The following ARHGAP42 variants were observed in gnomAD, a reference collection of about 807,000 sequenced individuals.
ARHGAP42 encodes the protein rho GTPase-activating protein 42.
A neutral mutation model predicts 125.0 loss-of-function variants in ARHGAP42; 63 were observed. That is an observed-to-expected ratio of 0.50 (90% CI 0.41 to 0.62). The LOEUF (loss-of-function observed/expected upper bound fraction) is 0.62. Ranked by LOEUF, ARHGAP42 falls within the 20% of genes least tolerant of loss-of-function variation. The pLI is 0.00. For synonymous variants in ARHGAP42, 339 were observed against 351.0 expected (o/e 0.97, Z 0.38); for missense variants, 766 against 1,024.2 (o/e 0.75, Z 3.44).
intron 1 of ARHGAP42, among the ~76,000 whole-genome samples, chr11:100,725,460 C>T (rs1861838312): frequency 6.6e-6 from 1 of 151,610 alleles, no homozygotes; most frequent in South Asian, 2.1e-4. Flanking sequence ...TGAGCCACCG[C>T]GCCCAGCCGT....
intron 16 of ARHGAP42, among the ~76,000 whole-genome samples, chr11:100,963,733 A>G (rs188844202): frequency 1.8e-4 from 28 of 152,336 alleles, no homozygotes; most frequent in Admixed American, 1.2e-3. Context: ...CTGACCTCTC[A>G]TTCTATGAAC....
chr11:100,861,190 GA>G (rs1263660655), intron 4 of ARHGAP42, among the ~76,000 whole-genome samples: 8 of 152,084 alleles, frequency 5.3e-5, no homozygotes, highest in Non-Finnish European at 1.0e-4. Flanking sequence ...GGTGGGAAGG[GA>G]AAAAAACTTA....
chr11:100,939,254 C>T (rs679947), intron 8 of ARHGAP42, among the ~76,000 whole-genome samples: 132,679 of 151,716 alleles, frequency 0.87, 58,107 homozygotes, highest in East Asian at 1. Context: ...TCAGTCTTGC[C>T]TTATTTATAA....
At chr11:100,868,804 C>A (rs1242282450) in intron 4 of ARHGAP42, among the ~76,000 whole-genome samples, 1 of 152,058 alleles carries the variant, frequency 6.6e-6, no homozygotes, top group Non-Finnish European at 1.5e-5. Context: ...GCTTTAATTT[C>A]CCCATATGAA....
chr11:100,806,032 T>C (rs766833415), intron 3 of ARHGAP42, among the ~76,000 whole-genome samples: 1 of 152,158 alleles, frequency 6.6e-6, no homozygotes, highest in African/African-American at 2.4e-5. Flanking sequence ...TCAGCCTTAT[T>C]TTACTCCACC....
intron 1 of ARHGAP42, among the ~76,000 whole-genome samples, chr11:100,688,365 G>T (rs985812187): frequency 2.0e-5 from 3 of 152,174 alleles, no homozygotes; most frequent in Admixed American, 2.0e-4. Flanking sequence ...AGACAGCAAG[G>T]CACCAGTGCA....
At chr11:100,767,054 A>T (rs1357777077) in intron 1 of ARHGAP42, among the ~76,000 whole-genome samples, 1 of 152,212 alleles carries the variant, frequency 6.6e-6, no homozygotes, top group African/African-American at 2.4e-5. Context: ...GTAGCAAGAA[A>T]AGTTGAAACT....
intron 1 of ARHGAP42, among the ~76,000 whole-genome samples, chr11:100,706,713 CCTT>C (rs1412408294): frequency 6.6e-6 from 1 of 152,144 alleles, no homozygotes; most frequent in Non-Finnish European, 1.5e-5. Flanking sequence ...TATGGGAATG[CCTT>C]CTTTAAAGAT....
intron 6 of ARHGAP42, among the ~76,000 whole-genome samples, chr11:100,930,871 C>G (rs1020615674): frequency 6.6e-6 from 1 of 152,134 alleles, no homozygotes; most frequent in African/African-American, 2.4e-5. Context: ...ATGAAGCGCA[C>G]CCAGCATCTT....
At chr11:100,704,709 A>G (rs954724123) in intron 1 of ARHGAP42, among the ~76,000 whole-genome samples, 1 of 152,002 alleles carries the variant, frequency 6.6e-6, no homozygotes, top group Non-Finnish European at 1.5e-5. Flanking sequence ...CTGTAATCCC[A>G]GCACTTTGGG....
At chr11:100,743,753 G>C (rs888021326) in intron 1 of ARHGAP42, among the ~76,000 whole-genome samples, 1 of 151,996 alleles carries the variant, frequency 6.6e-6, no homozygotes, top group African/African-American at 2.4e-5. Context: ...TGAATGCTTT[G>C]TTCATTTCTT....
intron 1 of ARHGAP42, among the ~76,000 whole-genome samples, chr11:100,764,501 A>G (rs1433961696): frequency 6.6e-6 from 1 of 152,234 alleles, no homozygotes. Context: ...AGATTTAAGT[A>G]TGTAAGAACT....
intron 2 of ARHGAP42, among the ~76,000 whole-genome samples, chr11:100,783,933 G>A (rs1863372909): frequency 6.6e-6 from 1 of 152,070 alleles, no homozygotes; most frequent in Non-Finnish European, 1.5e-5. Flanking sequence ...CAAAATAGAA[G>A]GGGGGTCAAA....
intron 22 of ARHGAP42, among the ~76,000 whole-genome samples, chr11:100,982,370 C>T (rs1349025235): frequency 1.3e-5 from 2 of 152,128 alleles, no homozygotes; most frequent in Non-Finnish European, 2.9e-5. Context: ...ACCACAATGT[C>T]CAAGACTGAG....
At chr11:100,970,187 C>T (rs1858202057) in intron 17 of ARHGAP42, among the ~76,000 whole-genome samples, 1 of 152,096 alleles carries the variant, frequency 6.6e-6, no homozygotes. Flanking sequence ...GAAGTTTCAC[C>T]ATGTTGGTTG....
Position 100,715,283 on chromosome 11 carries a change from G to C in ARHGAP42, c.154+27451G>C, listed in dbSNP as rs550514184. ...ATTTCCTGTTCTAGTTAACTTCTTA[G>C]GAACTATCCAGAACAGCCCAGACTT... On this transcript the variant is annotated intron_variant, in intron 1 of 23. Coordinates refer to ENST00000298815, the MANE Select transcript of ARHGAP42 (RefSeq NM_152432.4). 3.3e-5 allele frequency among the ~76,000 whole-genome samples: 5 copies of C among 152,034 alleles called. No homozygotes were observed. In the East Asian group the frequency reaches 9.7e-4, roughly 29 times the overall value.
In ARHGAP42 at chr11:100,882,135, A is replaced by G. The variant is rs192527198; in HGVS notation, c.384+22510A>G. 4.2e-4 allele frequency among the ~76,000 whole-genome samples: 64 copies of G among 152,300 alleles called. 1 individual carries two copies. The highest frequency in any genetic ancestry group is 7.8e-4 in the Non-Finnish European group (53 of 68,024). Reference sequence around the variant, plus strand: ...TAGGACTTCCGGCACTATGTTGAAGAGGAGTGGTGACAGTGGGCATCCTTG... The same window carrying G: ...TAGGACTTCCGGCACTATGTTGAAGGGGAGTGGTGACAGTGGGCATCCTTG... On this transcript the variant is annotated intron_variant, in intron 4 of 23. Transcript: ENST00000298815.
chr11:100,988,583 AG>A (rs1222910625), intron 23 of ARHGAP42, 129 bp from the exon 24 acceptor site: 3 of 649,630 alleles, frequency 4.6e-6, no homozygotes, highest in Non-Finnish European at 5.2e-6. Flanking sequence ...GGTATCCACA[AG>A]GGGTCCTGGA....
At chr11:100,758,593 T>A (rs1862628420) in intron 1 of ARHGAP42, among the ~76,000 whole-genome samples, 1 of 152,172 alleles carries the variant, frequency 6.6e-6, no homozygotes, top group South Asian at 2.1e-4. Flanking sequence ...GGCTGATATG[T>A]AGGTTTAGTA....
Sources: allele counts gnomAD v4.1 joint callset (sites outside exome capture counted in the v4.1 genomes callset), GRCh38; gene constraint gnomAD v4.1.1; transcripts MANE v1.5; gene names NCBI Gene and HGNC (gene_info 2026-07-23, HGNC 2026-07-21).